SPIDR: variants seen among roughly 807,000 people sequenced by gnomAD.
SPIDR encodes the protein DNA repair-scaffolding protein.
Under a neutral mutation model 104.6 loss-of-function variants are expected in SPIDR, and 93 were observed. The ratio of observed to expected loss-of-function variants is 0.89; its 90% confidence interval spans 0.75 to 1.06. The LOEUF is 1.06. Ranked by LOEUF, SPIDR falls within the 50% of genes least tolerant of loss-of-function variation. SPIDR has a pLI of 0.00. For missense variants in SPIDR, 1,154 were observed against 1,111.2 expected, an observed-to-expected ratio of 1.04 and a Z score of -0.55; for synonymous variants, 431 against 416.9, an observed-to-expected ratio of 1.03 and a Z score of -0.41.
intron 8 of SPIDR, among the ~76,000 whole-genome samples, chr8:47,532,453 G>A (rs545903001): frequency 1.1e-3 from 171 of 152,322 alleles, no homozygotes; most frequent in African/African-American, 4.0e-3. Flanking sequence ...AGATAGGGAT[G>A]CTAACATTGA....
intron 5 of SPIDR, among the ~76,000 whole-genome samples, chr8:47,302,837 G>A (rs2042386148): frequency 6.6e-6 from 1 of 152,182 alleles, no homozygotes; most frequent in East Asian, 1.9e-4. Context: ...CTGGCCATGT[G>A]AGGTGTCAGT....
intron 8 of SPIDR, among the ~76,000 whole-genome samples, chr8:47,504,523 G>C (rs368747715): frequency 6.6e-6 from 1 of 152,136 alleles, no homozygotes; most frequent in South Asian, 2.1e-4. Flanking sequence ...GGTTATTCTA[G>C]TTAGCCATTC....
chr8:47,711,918 C>T (rs2081952035), intron 14 of SPIDR, among the ~76,000 whole-genome samples: 1 of 152,200 alleles, frequency 6.6e-6, no homozygotes, highest in African/African-American at 2.4e-5. Context: ...GTGACCTTCT[C>T]TGCCCAGTCC....
Position 47,264,332 on chromosome 8 carries a change from A to T in SPIDR, c.33+3341A>T, listed in dbSNP as rs144000665. Among the ~76,000 whole-genome samples the T allele has an allele frequency of 1.8e-4, 27 of 152,276 alleles. No individual in the cohort carries two copies. The East Asian group carries it at 5.2e-3, about 29-fold the overall frequency. On this transcript the variant is annotated intron_variant, in intron 1 of 19. Coordinates refer to ENST00000297423, the MANE Select transcript of SPIDR (RefSeq NM_001080394.4). The stretch of plus-strand genomic sequence containing the variant: ...AAAGTCGAACCTATGAGAAGTGAGA[A>T]AGTTGTTTGCCTCTTAACTGATGTT...
Position 47,712,837 on chromosome 8 carries a change from A to G in SPIDR, c.2153A>G (p.His718Arg). ...VLEALAGAAP[H>R]SLFFKDALRD... ...GAGGCACTCGCTGGGGCTGCCCCTC[A>G]CAGCCTCTTCTTCAAGGACGCTCTC... Residue 718 changes from histidine to arginine, a missense_variant, in exon 15 of 20, where the codon CAC becomes CGC. His to Arg is a conservative substitution (Grantham distance 29). Transcript: ENST00000297423. 1 of 1,614,092 alleles carries G rather than the reference A, an allele frequency of 6.2e-7. No individual in the cohort carries two copies. Among genetic ancestry groups the G allele is most frequent in the Non-Finnish European group, 8.5e-7 (1 of 1,180,030 alleles).
intron 5 of SPIDR, among the ~76,000 whole-genome samples, chr8:47,344,865 T>G (rs529457937): frequency 2.6e-4 from 40 of 152,370 alleles, no homozygotes; most frequent in Admixed American, 1.4e-3. Context: ...ATTCTGGATA[T>G]TAGCCCTTTT....
intron 5 of SPIDR, among the ~76,000 whole-genome samples, chr8:47,299,566 A>G (rs2041621886): frequency 6.6e-6 from 1 of 152,290 alleles, no homozygotes; most frequent in Non-Finnish European, 1.5e-5. Context: ...TTGCCCATTC[A>G]GTATGATATT....
intron 8 of SPIDR, among the ~76,000 whole-genome samples, chr8:47,497,590 T>G (rs1044486081): frequency 6.6e-6 from 1 of 152,228 alleles, no homozygotes. Flanking sequence ...TCCATCATTT[T>G]GAATTTACTG....
chr8:47,525,852 T>C lies in SPIDR; in HGVS notation c.1098-69959T>C, dbSNP rs2084905899. ...GGACCTGGCTGTGCCTACTGAGTTG[T>C]CCTGAGAGAACACCAGGTTGTGTAC... On this transcript the variant is annotated intron_variant, in intron 8 of 19. Coordinates refer to ENST00000297423, the MANE Select transcript of SPIDR (RefSeq NM_001080394.4). Among the ~76,000 whole-genome samples, 4 of 152,066 alleles carry C rather than the reference T, an allele frequency of 2.6e-5. No homozygotes were observed. The South Asian group carries it at 8.3e-4, about 32-fold the overall frequency.
chr8:47,354,179 C>A (rs1554624209), intron 5 of SPIDR, among the ~76,000 whole-genome samples: 2 of 152,086 alleles, frequency 1.3e-5, no homozygotes, highest in Non-Finnish European at 2.9e-5. Context: ...AAGTGCCTTT[C>A]TCAATCATAT....
intron 5 of SPIDR, among the ~76,000 whole-genome samples, chr8:47,347,797 G>A (rs868992768): frequency 6.6e-6 from 1 of 151,958 alleles, no homozygotes; most frequent in African/African-American, 2.4e-5. Flanking sequence ...TTTTCCGTTT[G>A]CTTGGTAGAT....
chr8:47,693,510 C>T (rs185698679), intron 11 of SPIDR, among the ~76,000 whole-genome samples: 35 of 152,316 alleles, frequency 2.3e-4, no homozygotes, highest in Admixed American at 5.9e-4. Context: ...AGAGTCCTGC[C>T]GGCCCTGCTA....
In SPIDR at chr8:47,499,319, T is replaced by C. The variant is rs188132688; in HGVS notation, c.1097+58777T>C. Among the ~76,000 whole-genome samples the C allele has an allele frequency of 7.2e-4, 109 of 152,312 alleles. 1 individual carries two copies. The highest frequency in any genetic ancestry group is 2.4e-3 in the African/African-American group (98 of 41,586). ...AGAATATAGACTGGTATCATCCAAA[T>C]GACGGATGTATGTTTGCACCAGTGT... On this transcript the variant is annotated intron_variant, in intron 8 of 19. Coordinates refer to ENST00000297423, the MANE Select transcript of SPIDR (RefSeq NM_001080394.4).
At chr8:47,433,588 A>G (rs192710085) in intron 7 of SPIDR, among the ~76,000 whole-genome samples, 3 of 152,344 alleles carry the variant, frequency 2.0e-5, no homozygotes, top group Non-Finnish European at 2.9e-5. Flanking sequence ...CGCCAGAATG[A>G]TAGTCCTTTT....
intron 8 of SPIDR, among the ~76,000 whole-genome samples, chr8:47,534,378 A>G (rs566139844): frequency 1.3e-5 from 2 of 152,348 alleles, no homozygotes; most frequent in East Asian, 1.9e-4. Context: ...CATGGAATCA[A>G]CCTAAATGCC....
At chr8:47,603,448 C>T (rs1276899225) in intron 10 of SPIDR, among the ~76,000 whole-genome samples, 3 of 152,154 alleles carry the variant, frequency 2.0e-5, no homozygotes, top group African/African-American at 2.4e-5. Context: ...GGCTGGAGTG[C>T]AGTGGAGCAA....
chr8:47,453,858 G>GCCAACA (rs1359445208), intron 8 of SPIDR, among the ~76,000 whole-genome samples: 2 of 152,162 alleles, frequency 1.3e-5, no homozygotes, highest in Admixed American at 1.3e-4. Flanking sequence ...CATTTATGCA[G>GCCAACA]CCAACAGACA....
intron 5 of SPIDR, among the ~76,000 whole-genome samples, chr8:47,374,971 C>G (rs2058475040): frequency 6.6e-6 from 1 of 152,042 alleles, no homozygotes; most frequent in Non-Finnish European, 1.5e-5. Flanking sequence ...CAGGAGATCA[C>G]TTGAACCCGG....
chr8:47,583,240 A>G lies in SPIDR; in HGVS notation c.1098-12571A>G, dbSNP rs182578273. ...AGAATTGCGTGAACCCAGGAGGCGG[A>G]GCGTGCAGTGAGCCAAGATCGCGCC... On this transcript the variant is annotated intron_variant, in intron 8 of 19. Transcript: ENST00000297423. Among the ~76,000 whole-genome samples, 173 of 148,970 alleles carry G rather than the reference A, an allele frequency of 1.2e-3. 2 individuals carry two copies. The highest frequency in any genetic ancestry group is 0.011 in the Admixed American group (168 of 14,668).
Sources: gnomAD v4.1 joint callset for allele counts (sites outside exome capture counted in the v4.1 genomes callset) on GRCh38, gnomAD v4.1.1 for gene constraint, MANE v1.5 for transcripts, NCBI Gene and HGNC (gene_info 2026-07-23, HGNC 2026-07-21) for gene names.